Variants in DRC11L observed in about 807,000 individuals in gnomAD.
DRC11L encodes the protein dynein regulatory complex subunit like-11.
At chr7:151,202,144 T>C in the DRC11L span, among the ~76,000 whole-genome samples, 1 of 152,196 alleles carries the variant, frequency 6.6e-6, no homozygotes, top group South Asian at 2.1e-4. Flanking sequence ...GTTATTTCCA[T>C]GTTAAAAGGT....
chr7:151,192,218 G>C, the DRC11L span: 24 of 398,790 alleles, frequency 6.0e-5, no homozygotes, highest in Non-Finnish European at 1.0e-4. Flanking sequence ...ATGGGGTATG[G>C]GGCGGGAGGT....
chr7:151,193,639 G>T, the DRC11L span: 2 of 398,394 alleles, frequency 5.0e-6, no homozygotes, highest in Non-Finnish European at 4.4e-6. Context: ...ACACCAGCAG[G>T]TCCCCTAGTC....
chr7:151,196,632 C>T, the DRC11L span: 2 of 399,208 alleles, frequency 5.0e-6, no homozygotes, highest in Non-Finnish European at 8.8e-6. Flanking sequence ...CGTGCACAAG[C>T]ACATGCACAC....
chr7:151,198,950 G>A, the DRC11L span: 2,535 of 399,132 alleles, frequency 6.4e-3, 56 homozygotes, highest in African/African-American at 0.046. Flanking sequence ...CATCCTCCAC[G>A]AGGCATGGCT....
chr7:151,199,642 G>A, the DRC11L span, among the ~76,000 whole-genome samples: 2 of 151,934 alleles, frequency 1.3e-5, no homozygotes, highest in Non-Finnish European at 2.9e-5. The surrounding 1 kb of genome is among the most constrained non-coding windows in gnomAD (Gnocchi z 5.2). Flanking sequence ...GCCTCCAGTG[G>A]TAGCCTCCCA....
chr7:151,195,361 C>A, the DRC11L span: 2 of 398,966 alleles, frequency 5.0e-6, no homozygotes, highest in South Asian at 2.6e-4. Context: ...GACCTGCAGT[C>A]AGGTCCCTGG....
chr7:151,204,381 C>CA, the DRC11L span: 1 of 387,772 alleles, frequency 2.6e-6, no homozygotes, highest in Non-Finnish European at 4.5e-6. Flanking sequence ...GGCCCCATCC[C>CA]TACCCCACCC....
chr7:151,199,450 C>T, the DRC11L span, among the ~76,000 whole-genome samples: 8 of 152,210 alleles, frequency 5.3e-5, no homozygotes, highest in Non-Finnish European at 1.0e-4. This position sits in a 1 kb window ranked among gnomAD's most constrained non-coding sequence, Gnocchi z 5.2. Flanking sequence ...TTGATAGGCC[C>T]GGGCGGCCGG....
At chr7:151,200,378 C>A in the DRC11L span, 13 of 399,036 alleles carry the variant, frequency 3.3e-5, no homozygotes, top group Non-Finnish European at 4.4e-5. Flanking sequence ...GCAGGTTGAG[C>A]TCACCATGCC....
chr7:151,204,985 G>T, the DRC11L span: 8 of 398,058 alleles, frequency 2.0e-5, no homozygotes, highest in Non-Finnish European at 2.7e-5. Flanking sequence ...GAGGTAAGGA[G>T]CCCGCAGGGC....
the DRC11L span, chr7:151,196,929 A>C: frequency 2.5e-6 from 1 of 399,106 alleles, no homozygotes; most frequent in African/African-American, 2.1e-5. Flanking sequence ...CCAGGGCCCC[A>C]GGTCCCACAA....
chr7:151,204,579 T>G, the DRC11L span: 2 of 398,950 alleles, frequency 5.0e-6, no homozygotes, highest in African/African-American at 2.1e-5. Context: ...GCGCACCAGC[T>G]CGTCCTTGAG....
chr7:151,200,205 G>A, the DRC11L span, among the ~76,000 whole-genome samples: 3 of 152,324 alleles, frequency 2.0e-5, no homozygotes, highest in Admixed American at 2.0e-4. Context: ...GGGTGTGAAG[G>A]GATATGGCCA....
the DRC11L span, among the ~76,000 whole-genome samples, chr7:151,198,561 T>C: frequency 5.1e-4 from 78 of 152,256 alleles, no homozygotes; most frequent in South Asian, 1.9e-3. Context: ...ATTCTGGCAC[T>C]TTCTCTCCCT....
the DRC11L span, chr7:151,198,735 C>A: frequency 2.5e-6 from 1 of 398,806 alleles, no homozygotes; most frequent in Non-Finnish European, 4.4e-6. Context: ...GCAGGAGCAG[C>A]CCTGAGGGAC....
chr7:151,195,605 C>T, the DRC11L span: 307 of 399,824 alleles, frequency 7.7e-4, no homozygotes, highest in Non-Finnish European at 1.0e-3. Flanking sequence ...TTTCTTCCTC[C>T]TTGTCCACAG....
the DRC11L span, among the ~76,000 whole-genome samples, chr7:151,196,728 T>C: frequency 2.0e-5 from 3 of 152,208 alleles, no homozygotes; most frequent in Non-Finnish European, 2.9e-5. Context: ...AGCCTGGCAT[T>C]GCTTCTACCC....
the DRC11L span, among the ~76,000 whole-genome samples, chr7:151,196,160 G>A: frequency 9.9e-5 from 15 of 152,134 alleles, no homozygotes; most frequent in African/African-American, 2.7e-4. Context: ...CCCTGGCTCC[G>A]AGCCCCTCCC....
the DRC11L span, chr7:151,196,607 A>G: frequency 2.5e-6 from 1 of 399,462 alleles, no homozygotes; most frequent in Non-Finnish European, 4.4e-6. Context: ...GGGTGCATAC[A>G]CACATGCATT....
Sources: allele counts gnomAD v4.1 joint callset (sites outside exome capture counted in the v4.1 genomes callset), GRCh38; gene constraint gnomAD v4.1.1; non-coding constraint Gnocchi (gnomAD v3.1); transcripts MANE v1.5; gene names NCBI Gene and HGNC (gene_info 2026-07-23, HGNC 2026-07-21).